The following PWWP3A variants were observed in gnomAD, a reference collection of about 807,000 sequenced individuals.
PWWP3A encodes the protein PWWP domain-containing DNA repair factor 3A.
Under a neutral mutation model 79.0 loss-of-function variants are expected in PWWP3A, and 53 were observed. That is an observed-to-expected ratio of 0.67 (90% CI 0.54 to 0.84). The LOEUF (loss-of-function observed/expected upper bound fraction) is 0.84, where lower values mean the gene tolerates loss of function less well. Among genes scored for constraint, PWWP3A ranks in the 40% least tolerant of loss-of-function variants. The pLI, the probability that PWWP3A is intolerant of heterozygous loss-of-function variation, is 0.00. For missense variants in PWWP3A, 973 were observed against 948.0 expected (o/e 1.03, Z -0.35); for synonymous variants, 443 against 394.4 (o/e 1.12, Z -1.46).
chr19:1,373,393 G>T, intron 13 of PWWP3A: 1 of 571,688 alleles, frequency 1.7e-6, no homozygotes, highest in South Asian at 2.1e-5. Flanking sequence ...GCAGCACGGG[G>T]CCACGGGCAC....
chr19:1,360,908 G>C lies in PWWP3A; in HGVS notation c.987G>C (p.Pro329=). 1 of 1,539,538 alleles carries C rather than the reference G, an allele frequency of 6.5e-7. No individual in the cohort carries two copies. The highest frequency in any genetic ancestry group is 8.8e-7 in the Non-Finnish European group (1 of 1,142,124). Reference sequence around the variant, plus strand: ...CAGGGGCCGCACCATCCCCCGGGCCGGGGCCAGGGCCCAGAGAGTCTGTGA... The same window carrying C: ...CAGGGGCCGCACCATCCCCCGGGCCCGGGCCAGGGCCCAGAGAGTCTGTGA... The part of the protein sequence containing the change: ...MAAGAAPSPG[P]GPGPRESVTP... Residue 329 remains proline, a synonymous_variant, in exon 5 of 14, where the codon CCG becomes CCC. Coordinates refer to ENST00000591337, the MANE Select transcript of PWWP3A (RefSeq NM_001369789.1). The surrounding 1 kb of genome is among the most constrained non-coding windows in gnomAD (Gnocchi z 4.4).
chr19:1,367,166 A>G lies in PWWP3A; in HGVS notation c.1368A>G (p.Thr456=). ...TCCCTCTCTCTGCTTCAAGTTTCAC[A>G]GTGTCTCTTAAAAGTTTAAAGCACT... The part of the protein sequence containing the change: ...GHMNPKMKGF[T]VSLKSLKHFD... The change falls in exon 9 of 14, where the codon ACA becomes ACG. Residue 456 remains threonine, a synonymous_variant. Transcript: ENST00000591337. 6.2e-7 allele frequency: 1 copy of G among 1,611,974 alleles called. No homozygotes were observed. Among genetic ancestry groups the G allele is most frequent in the Non-Finnish European group, 8.5e-7 (1 of 1,179,012 alleles).
At chr19:1,375,556 T>TA (rs1491114609) in intron 13 of PWWP3A, among the ~76,000 whole-genome samples, 10 of 137,244 alleles carry the variant, frequency 7.3e-5, no homozygotes, top group Non-Finnish European at 1.2e-4. Flanking sequence ...AAAATATATA[T>TA]TATATATAAA....
intron 2 of PWWP3A, 109 bp from the exon 3 acceptor site, chr19:1,356,900 C>T: frequency 1.3e-6 from 1 of 794,734 alleles, no homozygotes; most frequent in Non-Finnish European, 2.0e-6. Flanking sequence ...TCTGAAATCC[C>T]ATGGTTATAG....
chr19:1,377,346 C>G lies in PWWP3A; in HGVS notation c.*770C>G, dbSNP rs2082423469. 6.6e-6 allele frequency: 1 copy of G among 152,288 alleles called. No individual in the cohort carries two copies. Among genetic ancestry groups the G allele is most frequent in the Admixed American group, 6.5e-5 (1 of 15,288 alleles). The allele number at this position is 152,288 out of a possible 1,614,324, so 9.4% of individuals were successfully genotyped here. On this transcript the variant is annotated 3_prime_UTR_variant, in exon 14 of 14. Coordinates refer to ENST00000591337, the MANE Select transcript of PWWP3A (RefSeq NM_001369789.1). The stretch of plus-strand genomic sequence containing the variant: ...GTGTCGTCACTGCACAGCCAGTCAC[C>G]GCGGTCTCAGTCATCGGCGCGGATG...
chr19:1,368,516 C>T lies in PWWP3A; in HGVS notation c.1423-749C>T, dbSNP rs868181356. On this transcript the variant is annotated intron_variant, in intron 9 of 13. Transcript: ENST00000591337. The surrounding 1 kb of genome is among the most constrained non-coding windows in gnomAD (Gnocchi z 4.7). ...GGGCTGCTGGGCAGGCAGAGAGCGGCGTCCACCCGGCCCTGGGATGTGCTT... is the reference window on the plus strand; with the variant it reads ...GGGCTGCTGGGCAGGCAGAGAGCGGTGTCCACCCGGCCCTGGGATGTGCTT... Among the ~76,000 whole-genome samples, 39 of 152,218 alleles carry T rather than the reference C, an allele frequency of 2.6e-4. No individual in the cohort carries two copies. Among genetic ancestry groups the T allele is most frequent in the African/African-American group, 9.2e-4 (38 of 41,508 alleles).
At chr19:1,362,727 G>A (rs531979392) in intron 6 of PWWP3A, among the ~76,000 whole-genome samples, 21 of 152,238 alleles carry the variant, frequency 1.4e-4, no homozygotes, top group Non-Finnish European at 2.4e-4. Flanking sequence ...CGCGGCTTCC[G>A]TTGGTGATGG....
Position 1,375,800 on chromosome 19 carries a change from GTATT to G in PWWP3A, c.2076-709_2076-706del, listed in dbSNP as rs1329674406. On this transcript the variant is annotated intron_variant, in intron 13 of 13. Coordinates refer to ENST00000591337, the MANE Select transcript of PWWP3A (RefSeq NM_001369789.1). ...TGTAGACATACACACACACACATAT[GTATT>G]TATTTATTTTTTTTTTTTTGAGACA... Among the ~76,000 whole-genome samples the G allele has an allele frequency of 5.1e-4, 49 of 95,212 alleles. 1 individual carries two copies. Among genetic ancestry groups the G allele is most frequent in the Non-Finnish European group, 7.3e-4 (35 of 48,098 alleles). The allele number at this position is 95,212 out of a possible 152,430, so 62.5% of individuals were successfully genotyped here.
chr19:1,372,362 C>T (rs1453548589), intron 12 of PWWP3A: 1 of 152,194 alleles, frequency 6.6e-6, no homozygotes, highest in African/African-American at 2.4e-5. Context: ...CGAATGGACT[C>T]TGTTAAAAAT....
chr19:1,371,934 A>G (rs1156615868), intron 12 of PWWP3A, among the ~76,000 whole-genome samples: 1 of 150,514 alleles, frequency 6.6e-6, no homozygotes, highest in African/African-American at 2.5e-5. Context: ...CCTTCCAAGT[A>G]GCTGGGACTA....
At position 1,378,216 on chromosome 19, in the gene PWWP3A, A is replaced by T. The variant is rs1195481576; in HGVS notation, c.*1640A>T. On this transcript the variant is annotated 3_prime_UTR_variant, in exon 14 of 14. Coordinates refer to ENST00000591337, the MANE Select transcript of PWWP3A (RefSeq NM_001369789.1). ...ACCACCGCCTGAGGCGGGGCTCAGC[A>T]GCGTTGCATGTACGGGCCTCGTACT... The T allele has an allele frequency of 3.9e-5, 6 of 152,256 alleles. No homozygotes were observed. The highest frequency in any genetic ancestry group is 1.5e-5 in the Non-Finnish European group (1 of 68,046). The allele number at this position is 152,256 out of a possible 1,614,324, so 9.4% of individuals were successfully genotyped here.
rs1011407196 is a variant in PWWP3A, at chr19:1,368,326, C to G, written c.1423-939C>G. ...AAGGGCTGCCGTTTATATCAAAAAC[C>G]CTGGGTTCTGAGAGCACAGGGTGCC... On this transcript the variant is annotated intron_variant, in intron 9 of 13. Coordinates refer to ENST00000591337, the MANE Select transcript of PWWP3A (RefSeq NM_001369789.1). This position sits in a 1 kb window ranked among gnomAD's most constrained non-coding sequence, Gnocchi z 4.7. 2.0e-5 allele frequency among the ~76,000 whole-genome samples: 3 copies of G among 152,104 alleles called. No individual in the cohort carries two copies. The highest frequency in any genetic ancestry group is 2.1e-4 in the South Asian group (1 of 4,820).
chr19:1,367,130 A>C (rs2082146403), intron 8 of PWWP3A, 30 bp from the exon 9 acceptor site: 1 of 1,582,872 alleles, frequency 6.3e-7, no homozygotes, highest in African/African-American at 1.4e-5. Context: ...AAGTTCATTC[A>C]TGTTAACTTT....
chr19:1,375,783 TAC>T (rs56832786), intron 13 of PWWP3A, among the ~76,000 whole-genome samples: 9 of 132,078 alleles, frequency 6.8e-5, no homozygotes, highest in African/African-American at 2.0e-4. Flanking sequence ...TATGTAGACA[TAC>T]ACACACACAC....
In PWWP3A at chr19:1,378,224, A is replaced by G. The variant is rs903547599; in HGVS notation, c.*1648A>G. On this transcript the variant is annotated 3_prime_UTR_variant, in exon 14 of 14. Transcript: ENST00000591337. Reference sequence around the variant, plus strand: ...CTGAGGCGGGGCTCAGCAGCGTTGCATGTACGGGCCTCGTACTGCCTCATG... The same window carrying G: ...CTGAGGCGGGGCTCAGCAGCGTTGCGTGTACGGGCCTCGTACTGCCTCATG... 1.1e-4 allele frequency: 17 copies of G among 152,254 alleles called. No homozygotes were observed. The highest frequency in any genetic ancestry group is 4.1e-4 in the African/African-American group (17 of 41,464). 9.4% of individuals were successfully genotyped at this position (152,254 alleles called of 1,614,324 possible).
At chr19:1,373,034 C>T (rs1332918283) in intron 12 of PWWP3A, 38 bp from the exon 13 acceptor site, 1 of 1,595,736 alleles carries the variant, frequency 6.3e-7, no homozygotes, top group Non-Finnish European at 8.6e-7. Flanking sequence ...GCCAGTTGGG[C>T]AGTGCCTGCT....
chr19:1,368,984 G>T lies in PWWP3A; in HGVS notation c.1423-281G>T. 2.8e-6 allele frequency: 1 copy of T among 359,504 alleles called. No individual in the cohort carries two copies. The highest frequency in any genetic ancestry group is 5.3e-6 in the Non-Finnish European group (1 of 189,834). The allele number at this position is 359,504 out of a possible 1,614,324, so 22.3% of individuals were successfully genotyped here. On this transcript the variant is annotated intron_variant, in intron 9 of 13. Transcript: ENST00000591337. The surrounding 1 kb of genome is among the most constrained non-coding windows in gnomAD (Gnocchi z 4.7). ...GATCAGCCCAAGCCATCGGGTCCCCGGTGCCCACCTGCGTTCAGATCAGCC... is the reference window on the plus strand; with the variant it reads ...GATCAGCCCAAGCCATCGGGTCCCCTGTGCCCACCTGCGTTCAGATCAGCC...
chr19:1,361,546 T>G (rs568537369), intron 5 of PWWP3A, among the ~76,000 whole-genome samples: 3 of 152,372 alleles, frequency 2.0e-5, no homozygotes, highest in Non-Finnish European at 2.9e-5. Flanking sequence ...GCATCCTTTA[T>G]TTTTTAAATG....
In PWWP3A at chr19:1,368,144, C is replaced by T. The variant is rs1430928059; in HGVS notation, c.1422+924C>T. Reference sequence around the variant, plus strand: ...TTCATCATATTGGCCAGGTTGGTCTCGAACTCCTGACCTCATGATCCGCCT... The same window carrying T: ...TTCATCATATTGGCCAGGTTGGTCTTGAACTCCTGACCTCATGATCCGCCT... On this transcript the variant is annotated intron_variant, in intron 9 of 13. Transcript: ENST00000591337. This position sits in a 1 kb window ranked among gnomAD's most constrained non-coding sequence, Gnocchi z 4.7. 2.6e-5 allele frequency among the ~76,000 whole-genome samples: 4 copies of T among 152,098 alleles called. No homozygotes were observed. The highest frequency in any genetic ancestry group is 2.0e-4 in the Admixed American group (3 of 15,276).
Sources: gnomAD v4.1 joint callset for allele counts (sites outside exome capture counted in the v4.1 genomes callset) on GRCh38, gnomAD v4.1.1 for gene constraint, Gnocchi (gnomAD v3.1) non-coding constraint, MANE v1.5 for transcripts, NCBI Gene and HGNC (gene_info 2026-07-23, HGNC 2026-07-21) for gene names.